ISM1: variants seen among roughly 807,000 people sequenced by gnomAD.
ISM1 encodes the protein isthmin-1.
A neutral mutation model predicts 46.3 loss-of-function variants in ISM1; 25 were observed. The observed-to-expected ratio is 0.54, with a 90% CI of 0.39 to 0.75. The LOEUF (loss-of-function observed/expected upper bound fraction) is 0.75. ISM1 is among the 30% of genes least tolerant of loss of function. ISM1 has a pLI of 0.00. For synonymous variants in ISM1, 255 were observed against 256.7 expected (o/e 0.99, Z 0.06); for missense variants, 536 against 625.4 (o/e 0.86, Z 1.52).
rs1600467784 is a variant in ISM1, at chr20:13,221,796, AGCTGCTGCTGCTGCTGGG to A, written c.33_50del (p.Leu12_Leu17del). ...AAAAGGATGGTGCGCCTGGCGGCCGAGCTGCTGCTGCTGCTGGGGCTGCTGCTGCTCACGCTGCACATC... is the reference window on the plus strand; with the variant it reads ...AAAAGGATGGTGCGCCTGGCGGCCGAGCTGCTGCTGCTCACGCTGCACATC... On this transcript the variant is annotated inframe_deletion, in exon 1 of 6. Transcript: ENST00000262487. The A allele has an allele frequency of 2.1e-6, 3 of 1,450,600 alleles. No homozygotes were observed. The highest frequency in any genetic ancestry group is 2.5e-5 in the Admixed American group (1 of 39,624). 89.9% of individuals were successfully genotyped at this position (1,450,600 alleles called of 1,614,324 possible). A position where few individuals can be genotyped will look rare whatever the true frequency, so the allele number is the denominator to read the frequency against.
At chr20:13,294,098 C>T (rs79071929) in intron 5 of ISM1, among the ~76,000 whole-genome samples, 13,699 of 152,196 alleles carry the variant, frequency 0.09, 779 homozygotes, top group Non-Finnish European at 0.13. Context: ...ATGATGTGGC[C>T]GCCATGGAAT....
intron 1 of ISM1, among the ~76,000 whole-genome samples, chr20:13,226,756 C>T (rs776509566): frequency 6.6e-6 from 1 of 152,188 alleles, no homozygotes; most frequent in Non-Finnish European, 1.5e-5. Context: ...CTCAGAGCAG[C>T]AAGAGAATAA....
chr20:13,233,595 CAA>C (rs1183584907), intron 1 of ISM1, among the ~76,000 whole-genome samples: 2,561 of 63,626 alleles, frequency 0.04, 33 homozygotes, highest in Non-Finnish European at 0.043. Flanking sequence ...AACTCCATCT[CAA>C]AAAAAAAAAA....
At chr20:13,304,726 C>T (rs538634921), downstream of ISM1, among the ~76,000 whole-genome samples, 1 of 152,238 alleles carries the variant, frequency 6.6e-6, no homozygotes, top group Non-Finnish European at 1.5e-5. Flanking sequence ...CAATGAATAC[C>T]CCAACTCCCT....
intron 1 of ISM1, among the ~76,000 whole-genome samples, chr20:13,251,117 T>C (rs1007112230): frequency 6.6e-6 from 1 of 152,218 alleles, no homozygotes; most frequent in African/African-American, 2.4e-5. Flanking sequence ...ACTTTAATTA[T>C]TCAGAGATCA....
At chr20:13,222,461 T>A (rs2039461878) in intron 1 of ISM1, among the ~76,000 whole-genome samples, 1 of 152,020 alleles carries the variant, frequency 6.6e-6, no homozygotes, top group Non-Finnish European at 1.5e-5. Context: ...TTGCTTCCAG[T>A]GTTCCTCTTC....
chr20:13,232,738 G>T (rs2039602783), intron 1 of ISM1, among the ~76,000 whole-genome samples: 1 of 152,146 alleles, frequency 6.6e-6, no homozygotes, highest in South Asian at 2.1e-4. Context: ...AAGTGTTTAG[G>T]ATCTACAACA....
At chr20:13,308,237 G>A in the ISM1 span, among the ~76,000 whole-genome samples, 2 of 152,164 alleles carry the variant, frequency 1.3e-5, no homozygotes, top group Non-Finnish European at 2.9e-5. Flanking sequence ...CCCAGTGGGG[G>A]TGTCTGTAAC....
chr20:13,233,589 C>CCAT (rs1384860620), intron 1 of ISM1, among the ~76,000 whole-genome samples: 2 of 145,888 alleles, frequency 1.4e-5, no homozygotes, highest in Non-Finnish European at 1.5e-5. Context: ...GAGCGAAACT[C>CCAT]CATCTCAAAA....
intron 3 of ISM1, among the ~76,000 whole-genome samples, chr20:13,286,980 G>A (rs556938157): frequency 6.6e-6 from 1 of 152,348 alleles, no homozygotes; most frequent in South Asian, 2.1e-4. Flanking sequence ...CAGAGGTACT[G>A]CAGAAAGAAT....
intron 1 of ISM1, among the ~76,000 whole-genome samples, chr20:13,246,884 T>TC (rs1203575590): frequency 6.8e-6 from 1 of 148,012 alleles, no homozygotes; most frequent in African/African-American, 2.5e-5. Context: ...TCCTTCTCTC[T>TC]TTTTTTTTTA....
intron 3 of ISM1, among the ~76,000 whole-genome samples, chr20:13,285,468 G>A (rs1351164338): frequency 6.6e-6 from 1 of 152,196 alleles, no homozygotes; most frequent in African/African-American, 2.4e-5. Context: ...GTGCCCAGCT[G>A]TGTAGATGCT....
intron 3 of ISM1, among the ~76,000 whole-genome samples, chr20:13,287,796 C>T (rs139829198): frequency 8.5e-5 from 13 of 152,268 alleles, no homozygotes; most frequent in African/African-American, 2.6e-4. Flanking sequence ...ATTAATGTAT[C>T]GGTAATCTAT....
chr20:13,273,757 A>T (rs1301597711), intron 2 of ISM1, among the ~76,000 whole-genome samples: 1 of 152,214 alleles, frequency 6.6e-6, no homozygotes, highest in Admixed American at 6.5e-5. Flanking sequence ...CAAAGTCAAC[A>T]AATCAAAAAG....
At chr20:13,264,658 A>G (rs1395509944) in intron 1 of ISM1, among the ~76,000 whole-genome samples, 1 of 152,214 alleles carries the variant, frequency 6.6e-6, no homozygotes, top group Admixed American at 6.5e-5. Flanking sequence ...CACCTTGGTC[A>G]CAAACACAGC....
rs1356986653 is a variant in ISM1 at position 13,221,655 on chromosome 20, TGGCGGGAGCCGA to T, written c.-110_-99del. 1.9e-5 allele frequency: 16 copies of T among 834,074 alleles called. No individual in the cohort carries two copies. The highest frequency in any genetic ancestry group is 9.2e-5 in the African/African-American group (5 of 54,278). 51.7% of individuals were successfully genotyped at this position (834,074 alleles called of 1,614,324 possible). On this transcript the variant is annotated 5_prime_UTR_variant, in exon 1 of 6. Coordinates refer to ENST00000262487, the MANE Select transcript of ISM1 (RefSeq NM_080826.2). ...CCCGCGGGCCCGGGAAGCGGAGCCC[TGGCGGGAGCCGA>T]GGCGGGAGCCGCGCTGCCGGGCTCC...
At position 13,221,467 on chromosome 20, in the gene ISM1, T is replaced by G. The variant is rs2039445825; in HGVS notation, c.-310T>G. Among the ~76,000 whole-genome samples the G allele has an allele frequency of 7.0e-6, 1 of 142,020 alleles. No individual in the cohort carries two copies. The highest frequency in any genetic ancestry group is 6.9e-5 in the Admixed American group (1 of 14,450). The allele number at this position is 142,020 out of a possible 152,430, so 93.2% of individuals were successfully genotyped here. A position where few individuals can be genotyped will look rare whatever the true frequency, so the allele number is the denominator to read the frequency against. On this transcript the variant is annotated 5_prime_UTR_variant, in exon 1 of 6. Coordinates refer to ENST00000262487, the MANE Select transcript of ISM1 (RefSeq NM_080826.2). ...GCTGTCCCGGGACCCAGTCTCCGTCTCCGCCGCCGCCGCCGCCAGGCAGCG... is the reference window on the plus strand; with the variant it reads ...GCTGTCCCGGGACCCAGTCTCCGTCGCCGCCGCCGCCGCCGCCAGGCAGCG...
At chr20:13,233,029 A>AT (rs2039607160) in intron 1 of ISM1, among the ~76,000 whole-genome samples, 1 of 151,994 alleles carries the variant, frequency 6.6e-6, no homozygotes, top group African/African-American at 2.4e-5. Flanking sequence ...TGGACCAAAA[A>AT]AAAAAAAGAA....
the ISM1 span, among the ~76,000 whole-genome samples, chr20:13,306,128 G>A: frequency 6.6e-6 from 1 of 152,160 alleles, no homozygotes; most frequent in African/African-American, 2.4e-5. Context: ...CTTGAGGCAT[G>A]TAATTCATGG....
Sources: allele counts gnomAD v4.1 joint callset (sites outside exome capture counted in the v4.1 genomes callset), GRCh38; gene constraint gnomAD v4.1.1; transcripts MANE v1.5; gene names NCBI Gene and HGNC (gene_info 2026-07-23, HGNC 2026-07-21).